Variants in NLRP7 observed in about 807,000 individuals in gnomAD.
The protein encoded by NLRP7 is NLR family pyrin domain containing 7.
Under a neutral mutation model 85.5 loss-of-function variants are expected in NLRP7, and 72 were observed. That is an observed-to-expected ratio of 0.84 (90% confidence interval 0.70 to 1.02). The LOEUF (loss-of-function observed/expected upper bound fraction) is 1.02. Among genes scored for constraint, NLRP7 ranks in the 50% least tolerant of loss-of-function variants. The probability of loss-of-function intolerance (pLI) is 0.00; values close to 1 mark genes in which losing one functional copy is unlikely to be tolerated. For missense variants in NLRP7, 1,243 were observed against 1,219.5 expected (o/e 1.02, Z -0.29); for synonymous variants, 550 against 505.2 (o/e 1.09, Z -1.19).
Position 54,947,224 on chromosome 19 carries a change from C to T in NLRP7, c.-40+245G>A, listed in dbSNP as rs1569541691. ...CCTGTAGTCCCAGCTACTCAGGAGG[C>T]TGAGGCAGGAGAATGGCGGGTGAAC... On this transcript the variant is annotated intron_variant, in intron 1 of 9. Coordinates refer to ENST00000340844, the Ensembl canonical transcript of NLRP7. Among the ~76,000 whole-genome samples the T allele has an allele frequency of 2.0e-5, 3 of 151,948 alleles. No individual in the cohort carries two copies. The South Asian group carries it at 6.2e-4, about 32-fold the overall frequency.
At chr19:54,939,587 G>A (rs2069116116) in exon 4 of NLRP7, 1 of 1,611,372 alleles carries the variant, frequency 6.2e-7, no homozygotes, top group Middle Eastern at 1.8e-4. Flanking sequence ...CGTCCGCAGC[G>A]CGCCCCGCAG....
chr19:54,936,475 C>A (rs374924178), intron 5 of NLRP7, 44 bp from the exon 6 acceptor site: 2 of 1,498,532 alleles, frequency 1.3e-6, no homozygotes, highest in Admixed American at 1.7e-5. Context: ...GATTAATACT[C>A]ACATTGTGTG....
At chr19:54,956,537 T>C (rs1332714736) in intron 1 of NLRP7, among the ~76,000 whole-genome samples, 2 of 144,588 alleles carry the variant, frequency 1.4e-5, no homozygotes, top group Non-Finnish European at 3.0e-5. Context: ...TAAAAAAAAA[T>C]ACAAAAATTA....
intron 5 of NLRP7, among the ~76,000 whole-genome samples, chr19:54,937,571 G>A (rs1378467209): frequency 1.3e-5 from 2 of 150,984 alleles, no homozygotes; most frequent in Non-Finnish European, 2.9e-5. Context: ...GCGCCTAGGT[G>A]ACAGAGTGAA....
exon 10 of NLRP7, chr19:54,923,714 T>C: frequency 6.2e-7 from 1 of 1,612,088 alleles, no homozygotes; most frequent in South Asian, 1.1e-5. Flanking sequence ...GCTTCCTGTG[T>C]AATTCGTAGA....
In NLRP7 at chr19:54,960,459, A is replaced by G. The variant is rs141990974; in HGVS notation, c.-77+5581T>C. ...CCTTAAGCCACCGCGCTCAACCAGAAGTCTGTTTAAATCCATCCTTCTCCC... is the reference window on the plus strand; with the variant it reads ...CCTTAAGCCACCGCGCTCAACCAGAGGTCTGTTTAAATCCATCCTTCTCCC... On this transcript the variant is annotated intron_variant, in intron 1 of 2. Transcript: ENST00000587103. 1.1e-3 allele frequency among the ~76,000 whole-genome samples: 163 copies of G among 151,738 alleles called. 2 individuals are homozygous for G. The highest frequency in any genetic ancestry group is 3.9e-3 in the African/African-American group (160 of 41,452).
exon 8 of NLRP7, chr19:54,933,715 T>A: frequency 6.2e-7 from 1 of 1,614,162 alleles, no homozygotes; most frequent in Non-Finnish European, 8.5e-7. Context: ...TGCAACTGGC[T>A]TCTGTAAGAC....
chr19:54,948,219 A>G (rs2069556692), upstream of NLRP7, among the ~76,000 whole-genome samples: 1 of 152,084 alleles, frequency 6.6e-6, no homozygotes, highest in Non-Finnish European at 1.5e-5. Context: ...CTCTGTCTCT[A>G]CTAAACATAC....
intron 1 of NLRP7, among the ~76,000 whole-genome samples, chr19:54,952,705 A>G (rs2069710309): frequency 6.6e-6 from 1 of 152,028 alleles, no homozygotes; most frequent in Admixed American, 6.6e-5. Context: ...TCTGCAACAC[A>G]GTGACCCGGC....
At chr19:54,944,175 T>C (rs972741548) in intron 1 of NLRP7, among the ~76,000 whole-genome samples, 7 of 151,754 alleles carry the variant, frequency 4.6e-5, no homozygotes, top group African/African-American at 1.5e-4. Flanking sequence ...AGGATTAGTA[T>C]AAGAGGAAGG....
At chr19:54,931,965 C>T (rs2068699122) in intron 8 of NLRP7, among the ~76,000 whole-genome samples, 2 of 152,048 alleles carry the variant, frequency 1.3e-5, no homozygotes, top group Non-Finnish European at 2.9e-5. Flanking sequence ...CCCTGGGTCA[C>T]TTATTTTCTG....
chr19:54,960,283 G>A (rs2069996758), intron 1 of NLRP7, among the ~76,000 whole-genome samples: 1 of 151,688 alleles, frequency 6.6e-6, no homozygotes, highest in Non-Finnish European at 1.5e-5. Flanking sequence ...AGCCTCCTGG[G>A]TAGCTGGGAT....
rs10421217 is a variant in NLRP7, at chr19:54,942,050, G to A, written c.-39-300C>T. Among the ~76,000 whole-genome samples, 31,544 of 151,294 alleles carry A rather than the reference G, an allele frequency of 0.21. 3,452 individuals are homozygous for A. Among genetic ancestry groups the A allele is most frequent in the Admixed American group, 0.29 (4,328 of 15,158 alleles). The stretch of plus-strand genomic sequence containing the variant: ...GGATGGATCACGATATCAGGAGATC[G>A]AGACCATCCTGGCTAACACAGTGAA... On this transcript the variant is annotated intron_variant, in intron 1 of 9. Coordinates refer to ENST00000340844, the Ensembl canonical transcript of NLRP7.
At chr19:54,956,342 T>C (rs74257497) in intron 1 of NLRP7, among the ~76,000 whole-genome samples, 8,970 of 152,016 alleles carry the variant, frequency 0.059, 623 homozygotes, top group Admixed American at 0.22. Context: ...GAACTGGTTG[T>C]TGGTGGGGAG....
rs541424889 is a variant in NLRP7 at position 54,934,886 on chromosome 19, G to A, written c.2301-227C>T. Among the ~76,000 whole-genome samples the A allele has an allele frequency of 7.9e-5, 12 of 152,022 alleles. 1 individual carries two copies. Among genetic ancestry groups the A allele is most frequent in the Non-Finnish European group, 1.2e-4 (8 of 67,958 alleles). ...CAATTTTTGTATTTTTAGTAGAGAC[G>A]GGATTTCACCATGTTGGCCACACTG... On this transcript the variant is annotated intron_variant, in intron 6 of 9. Coordinates refer to ENST00000340844, the Ensembl canonical transcript of NLRP7. The surrounding 1 kb of genome is among the most constrained non-coding windows in gnomAD (Gnocchi z 6.7).
At chr19:54,936,489 GC>G in intron 5 of NLRP7, 58 bp from the exon 6 acceptor site, 1 of 1,406,118 alleles carries the variant, frequency 7.1e-7, no homozygotes, top group African/African-American at 1.4e-5. Flanking sequence ...TTGTGTGGAG[GC>G]ATGTATAAAC....
intron 5 of NLRP7, 60 bp from the exon 6 acceptor site, chr19:54,936,491 A>T: frequency 7.2e-7 from 1 of 1,382,790 alleles, no homozygotes; most frequent in Non-Finnish European, 1.0e-6. Flanking sequence ...GTGTGGAGGC[A>T]TGTATAAACA....
At chr19:54,943,376 C>T (rs372784647) in intron 1 of NLRP7, among the ~76,000 whole-genome samples, 27 of 151,948 alleles carry the variant, frequency 1.8e-4, no homozygotes, top group African/African-American at 2.9e-4. Flanking sequence ...CCGAGGCAGG[C>T]GGATCACGAG....
intron 8 of NLRP7, among the ~76,000 whole-genome samples, chr19:54,933,306 T>C (rs1351663973): frequency 6.6e-6 from 1 of 151,974 alleles, no homozygotes; most frequent in Non-Finnish European, 1.5e-5. Flanking sequence ...CCACCACACC[T>C]GGCTAATTTT....
Sources: gnomAD v4.1 joint callset for allele counts (sites outside exome capture counted in the v4.1 genomes callset) on GRCh38, gnomAD v4.1.1 for gene constraint, Gnocchi (gnomAD v3.1) non-coding constraint, MANE v1.5 for transcripts, NCBI Gene and HGNC (gene_info 2026-07-23, HGNC 2026-07-21) for gene names.